PCDHA13: variants seen among roughly 807,000 people sequenced by gnomAD.
PCDHA13 encodes protocadherin alpha-13.
PCDHA13 carries 54 observed loss-of-function variants against 64.8 expected under a neutral mutation model. The ratio of observed to expected loss-of-function variants is 0.83; its 90% CI spans 0.67 to 1.04. PCDHA13 has a LOEUF of 1.04. Among genes scored for constraint, PCDHA13 ranks in the 50% least tolerant of loss-of-function variants. The pLI is 0.00. For missense variants in PCDHA13, 1,248 were observed against 1,254.3 expected (o/e 0.99, Z 0.08); for synonymous variants, 587 against 564.4 (o/e 1.04, Z -0.57).
Position 141,009,900 on chromosome 5 carries a change from A to G in PCDHA13, c.2816A>G (p.Glu939Gly). The G allele has an allele frequency of 6.2e-7, 1 of 1,613,166 alleles. No individual in the cohort carries two copies. The highest frequency in any genetic ancestry group is 8.5e-7 in the Non-Finnish European group (1 of 1,179,840). Residue 939 changes from glutamate (E) to glycine (G), a missense_variant, in exon 4 of 4, where the codon GAG becomes GGG. Physicochemically the swap from Glu to Gly is moderately conservative, Grantham distance 98. Coordinates refer to ENST00000289272, the MANE Select transcript of PCDHA13 (RefSeq NM_018904.3). Reference sequence around the variant, plus strand: ...GGTAACAAGACCCAGGAGAAAAAAGAGAAAGGGAACAGCACGACTGACAAC... The same window carrying G: ...GGTAACAAGACCCAGGAGAAAAAAGGGAAAGGGAACAGCACGACTGACAAC... ...KKGNKTQEKK[E>G]KGNSTTDNSD...
chr5:140,886,023 C>A (rs759768435), intron 1 of PCDHA13, among the ~76,000 whole-genome samples: 5 of 152,078 alleles, frequency 3.3e-5, no homozygotes, highest in Non-Finnish European at 7.4e-5. Flanking sequence ...GCTATGTATT[C>A]TTCACTAAGT....
chr5:140,944,410 C>G (rs1339076109), intron 1 of PCDHA13, among the ~76,000 whole-genome samples: 1 of 152,272 alleles, frequency 6.6e-6, no homozygotes, highest in Middle Eastern at 3.4e-3. Flanking sequence ...TGGTCTCGAA[C>G]TCCTGATCTG....
At position 140,882,538 on chromosome 5, in the gene PCDHA13, C is replaced by A; in HGVS notation, c.270C>A (p.Ile90=). ...GCATTTTGTTTGTGAATTCTCGGAT[C>A]GACCGCGAGGAGCTGTGTGGGCGGA... ...QNGILFVNSR[I]DREELCGRSA... Residue 90 remains isoleucine, a synonymous_variant, in exon 1 of 4, where the codon ATC becomes ATA. Transcript: ENST00000289272. The A allele has an allele frequency of 6.2e-7, 1 of 1,614,170 alleles. No individual in the cohort carries two copies. Among genetic ancestry groups the A allele is most frequent in the Non-Finnish European group, 8.5e-7 (1 of 1,180,042 alleles).
At chr5:140,892,349 T>C (rs1266203354) in intron 1 of PCDHA13, among the ~76,000 whole-genome samples, 2 of 152,248 alleles carry the variant, frequency 1.3e-5, no homozygotes, top group Admixed American at 6.5e-5. Context: ...TAATTGACTT[T>C]TGCCAGGCAT....
chr5:140,901,852 T>G (rs1184166361), intron 1 of PCDHA13, among the ~76,000 whole-genome samples: 3 of 152,206 alleles, frequency 2.0e-5, no homozygotes, highest in Non-Finnish European at 4.4e-5. Flanking sequence ...TCTTTCCATT[T>G]TTTTGTGTCC....
Position 140,918,319 on chromosome 5 carries a change from A to T in PCDHA13, c.2394+33657A>T, listed in dbSNP as rs568659309. Among the ~76,000 whole-genome samples, 8 of 152,266 alleles carry T rather than the reference A, an allele frequency of 5.3e-5. No individual in the cohort carries two copies. In the South Asian group the frequency reaches 1.7e-3, roughly 32 times the overall value. ...GAATATAGGGTTTTCTAGGTATAAAATTATATTGTCTGCTAAGAGAGATAG... is the reference window on the plus strand; with the variant it reads ...GAATATAGGGTTTTCTAGGTATAAATTTATATTGTCTGCTAAGAGAGATAG... On this transcript the variant is annotated intron_variant, in intron 1 of 3. Coordinates refer to ENST00000289272, the MANE Select transcript of PCDHA13 (RefSeq NM_018904.3).
chr5:140,882,323 C>G lies in PCDHA13; in HGVS notation c.55C>G (p.Leu19Val). ...ACCGCGGCAACTACTGCTCTGGCTTCTGATCCTCGCAGCCTGGGAGACGGG... is the reference window on the plus strand; with the variant it reads ...ACCGCGGCAACTACTGCTCTGGCTTGTGATCCTCGCAGCCTGGGAGACGGG... The part of the protein sequence containing the change: ...PRPRQLLLWL[L>V]ILAAWETGSG... The change falls in exon 1 of 4, where the codon CTG becomes GTG. Residue 19 changes from leucine (L) to valine (V), a missense_variant. Leu to Val is a conservative substitution (Grantham distance 32, BLOSUM62 1). Coordinates refer to ENST00000289272, the MANE Select transcript of PCDHA13 (RefSeq NM_018904.3). 1 of 1,614,216 alleles carries G rather than the reference C, an allele frequency of 6.2e-7. No homozygotes were observed. Among genetic ancestry groups the G allele is most frequent in the African/African-American group, 1.3e-5 (1 of 75,064 alleles).
At chr5:140,941,214 C>CCTTTCTTTCTTT (rs60032403) in intron 1 of PCDHA13, among the ~76,000 whole-genome samples, 2,129 of 122,416 alleles carry the variant, frequency 0.017, 41 homozygotes, top group Non-Finnish European at 0.024. Context: ...TTTCTTTCTT[C>CCTTTCTTTCTTT]CTTTCTTTCT....
At chr5:140,998,380 A>G (rs921989792) in intron 3 of PCDHA13, among the ~76,000 whole-genome samples, 2 of 152,188 alleles carry the variant, frequency 1.3e-5, no homozygotes, top group African/African-American at 4.8e-5. Context: ...GTCTCTAGAA[A>G]GTTTAATGCC....
chr5:140,970,854 T>TC (rs112843531), intron 1 of PCDHA13, among the ~76,000 whole-genome samples: 13,960 of 152,238 alleles, frequency 0.092, 852 homozygotes, highest in African/African-American at 0.17. Context: ...GCACAAAAGT[T>TC]CCATTCCTGA....
At chr5:140,899,841 T>C (rs2067584927) in intron 1 of PCDHA13, among the ~76,000 whole-genome samples, 1 of 152,208 alleles carries the variant, frequency 6.6e-6, no homozygotes, top group Non-Finnish European at 1.5e-5. Flanking sequence ...CAGGTCTTGC[T>C]GTGTCACCCA....
chr5:140,928,930 C>T, intron 1 of PCDHA13: 1 of 1,614,108 alleles, frequency 6.2e-7, no homozygotes, highest in Non-Finnish European at 8.5e-7. Context: ...GCTTTCTGCC[C>T]AGAACTTGTA....
At chr5:140,925,866 G>A (rs952823745) in intron 1 of PCDHA13, among the ~76,000 whole-genome samples, 2 of 152,002 alleles carry the variant, frequency 1.3e-5, no homozygotes, top group Admixed American at 1.3e-4. Flanking sequence ...TATTGCTATT[G>A]ACTGGTTTAT....
rs57893927 is a variant in PCDHA13, at chr5:140,946,631, T to TATATATATATATATATATATATAC, written c.2395-32317_2395-32316insTATATATATATATATATATATACA. Among the ~76,000 whole-genome samples the TATATATATATATATATATATATAC allele has an allele frequency of 2.6e-3, 340 of 131,752 alleles. 23 individuals carry two copies. The highest frequency in any genetic ancestry group is 0.011 in the African/African-American group (303 of 28,632). The allele number at this position is 131,752 out of a possible 152,430, so 86.4% of individuals were successfully genotyped here. On this transcript the variant is annotated intron_variant, in intron 1 of 3. Transcript: ENST00000289272. ...TGTGAAATATATATATATATATATA[T>TATATATATATATATATATATATAC]ACAATGGAATACTCATCAGCCATTA...
intron 1 of PCDHA13, chr5:140,927,106 A>C (rs782151576): frequency 6.2e-7 from 1 of 1,613,678 alleles, no homozygotes; most frequent in Non-Finnish European, 8.5e-7. Context: ...GGATCTACCC[A>C]GCGGCAATTT....
chr5:140,972,621 G>T (rs1278363112), intron 1 of PCDHA13, among the ~76,000 whole-genome samples: 1 of 148,458 alleles, frequency 6.7e-6, no homozygotes, highest in South Asian at 2.1e-4. Flanking sequence ...ACTGAATGTT[G>T]TTGGCACTCC....
intron 1 of PCDHA13, among the ~76,000 whole-genome samples, chr5:140,936,452 T>C (rs1447343887): frequency 2.0e-5 from 3 of 152,216 alleles, no homozygotes; most frequent in African/African-American, 7.2e-5. Flanking sequence ...ACCACATCTG[T>C]TTAGTGGTTG....
chr5:140,915,957 T>G (rs1476969057), intron 1 of PCDHA13, among the ~76,000 whole-genome samples: 4 of 151,934 alleles, frequency 2.6e-5, no homozygotes, highest in African/African-American at 4.8e-5. Flanking sequence ...TACTTAGAAA[T>G]TTGCCTGATA....
intron 1 of PCDHA13, chr5:140,928,748 G>T (rs191251073): frequency 6.2e-7 from 1 of 1,614,114 alleles, no homozygotes; most frequent in Admixed American, 1.7e-5. Flanking sequence ...GGTGAGCTCC[G>T]TACTGCTCGC....
Sources: allele counts gnomAD v4.1 joint callset (sites outside exome capture counted in the v4.1 genomes callset), GRCh38; gene constraint gnomAD v4.1.1; transcripts MANE v1.5; gene names NCBI Gene and HGNC (gene_info 2026-07-23, HGNC 2026-07-21).